The following RGMA variants were observed in gnomAD, a reference collection of about 807,000 sequenced individuals.
The protein encoded by RGMA is repulsive guidance molecule A.
A neutral mutation model predicts 23.2 loss-of-function variants in RGMA; 10 were observed. The observed-to-expected ratio is 0.43, with a 90% CI of 0.27 to 0.73. The LOEUF is 0.73. RGMA is among the 30% of genes least tolerant of loss of function. RGMA has a pLI of 0.20. For missense variants in RGMA, 547 were observed against 630.5 expected (o/e 0.87, Z 1.42); for synonymous variants, 308 against 279.3 (o/e 1.10, Z -1.03).
At chr15:93,077,975 C>G (rs1046026621) in intron 1 of RGMA, among the ~76,000 whole-genome samples, 1 of 152,144 alleles carries the variant, frequency 6.6e-6, no homozygotes, top group Non-Finnish European at 1.5e-5. Context: ...CACAAAGTGC[C>G]GGGATTATAG....
rs7164469 is a variant in RGMA at position 93,039,534 on chromosome 15, C to G, written c.*5464G>C. ...TACATTGGGTATTTCTCCTGATGCT[C>G]TCCCTCCCCCAGCCCCCCACCCACT... On this transcript the variant is annotated 3_prime_UTR_variant, in exon 4 of 4. Transcript: ENST00000329082. 6.6e-6 allele frequency: 1 copy of G among 151,908 alleles called. No individual in the cohort carries two copies. The highest frequency in any genetic ancestry group is 1.5e-5 in the Non-Finnish European group (1 of 68,024). The allele number at this position is 151,908 out of a possible 1,614,324, so 9.4% of individuals were successfully genotyped here.
rs375963685 is a variant in RGMA at position 93,059,049 on chromosome 15, C to T, written c.131-6542G>A. On this transcript the variant is annotated intron_variant, in intron 2 of 3. Coordinates refer to ENST00000329082, the MANE Select transcript of RGMA (RefSeq NM_020211.3). ...ATTAGAGGGCAAGAATTTTGATCGT[C>T]ATTTTGCAGATGCAAACACGGAGGC... Among the ~76,000 whole-genome samples the T allele has an allele frequency of 1.1e-4, 16 of 152,318 alleles. No individual in the cohort carries two copies. The East Asian group carries it at 2.5e-3, about 24-fold the overall frequency.
In RGMA at chr15:93,073,036, A is replaced by C; in HGVS notation, c.15-5T>G. On this transcript the variant is annotated splice_polypyrimidine_tract_variant and splice_region_variant and intron_variant, in intron 1 of 3. Transcript: ENST00000329082. ...CCTGTTACCACTAGCCTCTCCCTGG[A>C]AGAAGAGTTCAGAAAAAAAGAAGAA... The C allele has an allele frequency of 6.4e-7, 1 of 1,572,614 alleles. No individual in the cohort carries two copies. The highest frequency in any genetic ancestry group is 1.2e-5 in the South Asian group (1 of 85,812).
intron 3 of RGMA, among the ~76,000 whole-genome samples, chr15:93,046,012 T>C (rs1456215779): frequency 6.6e-6 from 1 of 152,110 alleles, no homozygotes; most frequent in Non-Finnish European, 1.5e-5. Flanking sequence ...AAAGCATAGA[T>C]AATTAAAAAT....
chr15:93,044,893 G>A lies in RGMA; in HGVS notation c.*105C>T, dbSNP rs2054789375. On this transcript the variant is annotated 3_prime_UTR_variant, in exon 4 of 4. Coordinates refer to ENST00000329082, the MANE Select transcript of RGMA (RefSeq NM_020211.3). ...GCAGGCGGTCCCTGGCGTTCTGCGG[G>A]GCCATGGTGGACACGCCAGGAGATC... 7 of 951,802 alleles carry A rather than the reference G, an allele frequency of 7.4e-6. No homozygotes were observed. The East Asian group carries it at 1.9e-4, about 25-fold the overall frequency. 59.0% of individuals were successfully genotyped at this position (951,802 alleles called of 1,614,324 possible).
chr15:93,059,196 C>T (rs867978112), intron 2 of RGMA, among the ~76,000 whole-genome samples: 15 of 152,192 alleles, frequency 9.9e-5, no homozygotes, highest in South Asian at 2.1e-4. Flanking sequence ...AGGACACCAG[C>T]TGAGACTGAC....
At chr15:93,057,126 C>T (rs2055027311) in intron 2 of RGMA, among the ~76,000 whole-genome samples, 1 of 152,222 alleles carries the variant, frequency 6.6e-6, no homozygotes, top group South Asian at 2.1e-4. Context: ...CTGGCAGCTC[C>T]TTCAATCCAC....
At chr15:93,049,789 G>A (rs2054888052) in intron 3 of RGMA, among the ~76,000 whole-genome samples, 1 of 152,242 alleles carries the variant, frequency 6.6e-6, no homozygotes, top group African/African-American at 2.4e-5. Flanking sequence ...GGCCCTCAAG[G>A]GCAGGTGTGC....
At chr15:93,079,390 G>A (rs1895522422) in intron 1 of RGMA, among the ~76,000 whole-genome samples, 2 of 152,186 alleles carry the variant, frequency 1.3e-5, no homozygotes, top group Non-Finnish European at 2.9e-5. Flanking sequence ...ACTCCTTAAA[G>A]AATGCTAATA....
At chr15:93,048,088 G>A (rs78995775) in intron 3 of RGMA, among the ~76,000 whole-genome samples, 2 of 152,330 alleles carry the variant, frequency 1.3e-5, no homozygotes, top group East Asian at 3.9e-4. Flanking sequence ...TAAGAGGCCT[G>A]AGGCCTGGAA....
At chr15:93,086,621 T>C (rs1350023188) in intron 1 of RGMA, among the ~76,000 whole-genome samples, 2 of 152,148 alleles carry the variant, frequency 1.3e-5, no homozygotes, top group African/African-American at 4.8e-5. Context: ...CCAGCACCCA[T>C]TCCTGCCTGC....
chr15:93,073,623 C>T, intron 1 of RGMA: 5 of 1,537,108 alleles, frequency 3.3e-6, no homozygotes, highest in Admixed American at 2.0e-5. Context: ...ATCAGTCGCA[C>T]TCAGACGCGA....
In RGMA at chr15:93,040,667, T is replaced by C. The variant is rs1297811536; in HGVS notation, c.*4331A>G. ...CGTTACCATGGGACCCTGGGTTTTG[T>C]AACTGTGGTTTATTGCCTTGTCTTT... On this transcript the variant is annotated 3_prime_UTR_variant, in exon 4 of 4. Transcript: ENST00000329082. The C allele has an allele frequency of 6.6e-6, 1 of 152,278 alleles. No homozygotes were observed. The highest frequency in any genetic ancestry group is 1.5e-5 in the Non-Finnish European group (1 of 68,104). 9.4% of individuals were successfully genotyped at this position (152,278 alleles called of 1,614,324 possible).
chr15:93,061,276 C>A (rs4778087), intron 2 of RGMA, among the ~76,000 whole-genome samples: 79,500 of 152,068 alleles, frequency 0.52, 21,613 homozygotes, highest in East Asian at 0.82. Context: ...GCCTCAGCCT[C>A]CTGAGTAGCT....
intron 2 of RGMA, chr15:93,066,666 G>C (rs1895165767): frequency 2.4e-6 from 1 of 409,928 alleles, no homozygotes; most frequent in Non-Finnish European, 4.7e-6. Flanking sequence ...GCCGGGTCCA[G>C]TACCGGCCCC....
chr15:93,043,491 A>T lies in RGMA; in HGVS notation c.*1507T>A, dbSNP rs1462168875. The T allele has an allele frequency of 1.3e-5, 2 of 152,526 alleles. No homozygotes were observed. The highest frequency in any genetic ancestry group is 6.5e-5 in the Admixed American group (1 of 15,282). 9.4% of individuals were successfully genotyped at this position (152,526 alleles called of 1,614,324 possible). ...CAGTATGTACACGCGGTGACACTCC[A>T]CACAGGTCGCAGACACGTGGACGCA... is the stretch of plus-strand genomic sequence containing the variant. On this transcript the variant is annotated 3_prime_UTR_variant, in exon 4 of 4. Coordinates refer to ENST00000329082, the MANE Select transcript of RGMA (RefSeq NM_020211.3).
rs184432697 is a variant in RGMA at position 93,058,982 on chromosome 15, C to T, written c.131-6475G>A. On this transcript the variant is annotated intron_variant, in intron 2 of 3. Coordinates refer to ENST00000329082, the MANE Select transcript of RGMA (RefSeq NM_020211.3). ...ATAGCCTGCGCTCCCGGGGCCTGTG[C>T]AGGTGACACATTGCTTTCCTGTTGG... 1.3e-4 allele frequency among the ~76,000 whole-genome samples: 20 copies of T among 150,682 alleles called. No individual in the cohort carries two copies. The East Asian group carries it at 4.0e-3, about 30-fold the overall frequency.
chr15:93,082,616 C>G (rs971078889), intron 1 of RGMA, among the ~76,000 whole-genome samples: 25 of 152,184 alleles, frequency 1.6e-4, no homozygotes, highest in African/African-American at 5.3e-4. Context: ...AGAATGACGG[C>G]TCATGCATTA....
At chr15:93,065,644 T>C (rs1012944806) in intron 2 of RGMA, 1 of 939,656 alleles carries the variant, frequency 1.1e-6, no homozygotes. Flanking sequence ...TCTCAGGGGC[T>C]GCGGGCTGCC....
Sources: allele counts gnomAD v4.1 joint callset (sites outside exome capture counted in the v4.1 genomes callset), GRCh38; gene constraint gnomAD v4.1.1; transcripts MANE v1.5; gene names NCBI Gene and HGNC (gene_info 2026-07-23, HGNC 2026-07-21).